Variants in DOT1L observed in about 807,000 individuals in gnomAD.
DOT1L encodes DOT1 like histone lysine methyltransferase, also known as histone-lysine N-methyltransferase, H3 lysine-79 specific.
DOT1L carries 33 observed loss-of-function variants against 153.3 expected under a neutral mutation model. The ratio of observed to expected loss-of-function variants is 0.22; its 90% CI spans 0.16 to 0.29. DOT1L has a LOEUF of 0.29. DOT1L is among the 10% of genes least tolerant of loss of function. The pLI, the probability that DOT1L is intolerant of heterozygous loss-of-function variation, is 1.00. For synonymous variants in DOT1L, 1,135 were observed against 965.1 expected (o/e 1.18, Z -3.26); for missense variants, 1,847 against 2,119.9 (o/e 0.87, Z 2.53).
chr19:2,224,548 C>T (rs901069319), intron 25 of DOT1L, among the ~76,000 whole-genome samples: 1 of 151,456 alleles, frequency 6.6e-6, no homozygotes, highest in African/African-American at 2.4e-5. Context: ...GCTCACTGAC[C>T]CTCCGCCTCC....
Position 2,226,839 on chromosome 19 carries a change from A to T in DOT1L, c.4318A>T (p.Ser1440Cys). 1.3e-6 allele frequency: 2 copies of T among 1,579,850 alleles called. No individual in the cohort carries two copies. Among genetic ancestry groups the T allele is most frequent in the Non-Finnish European group, 1.7e-6 (2 of 1,171,354 alleles). The change falls in exon 27 of 28, where the codon AGC (serine) becomes TGC (cysteine). Residue 1440 changes from serine to cysteine, a missense_variant. Transcript: ENST00000398665. ...AAAVPPGSLL[S>C]GPGLAPAASS... Reference sequence around the variant, plus strand: ...GGCCGTGCCTCCCGGAAGCCTCCTCAGCGGCCCCGGCCTGGCCCCGGCGGC... The same window carrying T: ...GGCCGTGCCTCCCGGAAGCCTCCTCTGCGGCCCCGGCCTGGCCCCGGCGGC...
In DOT1L at chr19:2,216,742, G is replaced by A. The variant is rs754923185; in HGVS notation, c.2385G>A (p.Pro795=). 5.6e-6 allele frequency: 9 copies of A among 1,594,356 alleles called. No homozygotes were observed. The highest frequency in any genetic ancestry group is 3.4e-4 in the Middle Eastern group (2 of 5,814). Residue 795 remains proline, a synonymous_variant, in exon 20 of 28, where the codon CCG becomes CCA. Coordinates refer to ENST00000398665, the MANE Select transcript of DOT1L (RefSeq NM_032482.3). ...AGGACCACACGGTGCCCGGCAGGCC[G>A]GCTGCCAGTGAGCTGCATTCGAGGT... is the stretch of plus-strand genomic sequence containing the variant. The part of the protein sequence containing the change: ...LSQDHTVPGR[P]AASELHSRAE...
chr19:2,185,522 A>G (rs137951121), intron 2 of DOT1L, among the ~76,000 whole-genome samples: 7 of 152,276 alleles, frequency 4.6e-5, no homozygotes, highest in South Asian at 2.1e-4. Context: ...TCATCCCAGC[A>G]CTGTGGGAGG....
intron 9 of DOT1L, among the ~76,000 whole-genome samples, chr19:2,206,059 C>T (rs1157560086): frequency 1.3e-5 from 2 of 150,532 alleles, no homozygotes; most frequent in African/African-American, 4.9e-5. Flanking sequence ...TGCAGTGGCG[C>T]GATCTCGACT....
intron 22 of DOT1L, among the ~76,000 whole-genome samples, chr19:2,218,911 T>C (rs1428150117): frequency 6.6e-6 from 1 of 152,018 alleles, no homozygotes; most frequent in Non-Finnish European, 1.5e-5. Flanking sequence ...TTGCCCAGGC[T>C]GGAGGGCAGT....
rs889861273 is a variant in DOT1L, at chr19:2,231,866, C to G, written c.*2074C>G. 8.6e-5 allele frequency: 19 copies of G among 220,430 alleles called. No homozygotes were observed. The highest frequency in any genetic ancestry group is 1.4e-4 in the Non-Finnish European group (15 of 110,084). The allele number at this position is 220,430 out of a possible 1,614,324, so 13.7% of individuals were successfully genotyped here. The stretch of plus-strand genomic sequence containing the variant: ...ATGCAGGGCTCCTGCCCACGCAGGC[C>G]ACCGTATGTTCAGGACACGCACTGG... On this transcript the variant is annotated 3_prime_UTR_variant, in exon 28 of 28. Coordinates refer to ENST00000398665, the MANE Select transcript of DOT1L (RefSeq NM_032482.3).
At chr19:2,202,403 A>G (rs1290411780) in intron 8 of DOT1L, among the ~76,000 whole-genome samples, 1 of 151,954 alleles carries the variant, frequency 6.6e-6, no homozygotes, top group Admixed American at 6.5e-5. Flanking sequence ...TGCTCTTCCC[A>G]CCTTGTGTGG....
Position 2,186,464 on chromosome 19 carries a change from G to A in DOT1L, c.200+535G>A, listed in dbSNP as rs552833298. On this transcript the variant is annotated intron_variant, in intron 3 of 27. Coordinates refer to ENST00000398665, the MANE Select transcript of DOT1L (RefSeq NM_032482.3). ...AAGTGTTTTGTTTTTCTTTGACAAG[G>A]AAGACATTCCAGGCTCATGCCTTTT... 5.3e-5 allele frequency among the ~76,000 whole-genome samples: 8 copies of A among 151,610 alleles called. No individual in the cohort carries two copies. In the East Asian group the frequency reaches 1.6e-3, roughly 30 times the overall value.
At chr19:2,168,254 G>A (rs1455452750) in intron 1 of DOT1L, among the ~76,000 whole-genome samples, 1 of 152,202 alleles carries the variant, frequency 6.6e-6, no homozygotes, top group Non-Finnish European at 1.5e-5. Flanking sequence ...GATTGCTTGA[G>A]CCCAGGAGTT....
Position 2,191,305 on chromosome 19 carries a change from ATGCC to A in DOT1L, c.493+69_493+72del, listed in dbSNP as rs2022783318. 23 of 1,510,570 alleles carry A rather than the reference ATGCC, an allele frequency of 1.5e-5. No homozygotes were observed. The South Asian group carries it at 2.6e-4, about 17-fold the overall frequency. 93.6% of individuals were successfully genotyped at this position (1,510,570 alleles called of 1,614,324 possible). ...AGGCCACACGCTCTGTGCCTGCCCC[ATGCC>A]TGCTTGGAGAAGAGTTTATCAGGGA... On this transcript the variant is annotated intron_variant, in intron 5 of 27. Coordinates refer to ENST00000398665, the MANE Select transcript of DOT1L (RefSeq NM_032482.3). The surrounding 1 kb of genome is among the most constrained non-coding windows in gnomAD (Gnocchi z 6.8).
intron 1 of DOT1L, among the ~76,000 whole-genome samples, chr19:2,179,216 G>C (rs539198632): frequency 6.6e-6 from 1 of 152,330 alleles, no homozygotes; most frequent in Non-Finnish European, 1.5e-5. Flanking sequence ...ATGGGGTTGC[G>C]TCCCGCTGGG....
chr19:2,173,171 G>C (rs535855800), intron 1 of DOT1L, among the ~76,000 whole-genome samples: 1 of 152,190 alleles, frequency 6.6e-6, no homozygotes, highest in Non-Finnish European at 1.5e-5. Flanking sequence ...GGAGGCCCAC[G>C]AGTCCCGCGC....
chr19:2,184,191 G>A (rs144630503), intron 2 of DOT1L, among the ~76,000 whole-genome samples: 26 of 152,258 alleles, frequency 1.7e-4, no homozygotes, highest in African/African-American at 6.3e-4. Context: ...GACTGCAGAT[G>A]GCCTTGCTTG....
chr19:2,217,706 G>A lies in DOT1L; in HGVS notation c.2545-66G>A. On this transcript the variant is annotated intron_variant, in intron 21 of 27. Coordinates refer to ENST00000398665, the MANE Select transcript of DOT1L (RefSeq NM_032482.3). The surrounding 1 kb of genome is among the most constrained non-coding windows in gnomAD (Gnocchi z 7.3). ...AGCTGTAGCAGGCCCCCGTCCTGTG[G>A]CTGTGGTCCCTGTGTCCTGGAGGGG... is the stretch of plus-strand genomic sequence containing the variant. The A allele has an allele frequency of 1.3e-6, 2 of 1,545,984 alleles. No individual in the cohort carries two copies. Among genetic ancestry groups the A allele is most frequent in the Non-Finnish European group, 8.7e-7 (1 of 1,144,308 alleles).
At chr19:2,225,083 A>G (rs77337731) in intron 25 of DOT1L, among the ~76,000 whole-genome samples, 6,344 of 152,216 alleles carry the variant, frequency 0.042, 179 homozygotes, top group East Asian at 0.13. Context: ...GGATTCTCAC[A>G]CTTCTGTGTG....
At chr19:2,202,668 TC>T in intron 8 of DOT1L, 31 bp from the exon 9 acceptor site, 1 of 1,607,664 alleles carries the variant, frequency 6.2e-7, no homozygotes, top group Non-Finnish European at 8.5e-7. Flanking sequence ...AGACGAGCCT[TC>T]ATGGCACTGA....
Position 2,193,504 on chromosome 19 carries a change from GTCAGGGGCCTGGTC to G in DOT1L, c.494-182_494-169del, listed in dbSNP as rs974903124. On this transcript the variant is annotated intron_variant, in intron 5 of 27. Transcript: ENST00000398665. The surrounding 1 kb of genome is among the most constrained non-coding windows in gnomAD (Gnocchi z 5.9). ...ATGACCGTCCCCTCGTGGGGGCTCT[GTCAGGGGCCTGGTC>G]TCTGGGAAGGATCCTGAGTGACCTT... is the stretch of plus-strand genomic sequence containing the variant. Among the ~76,000 whole-genome samples, 1 of 152,210 alleles carries G rather than the reference GTCAGGGGCCTGGTC, an allele frequency of 6.6e-6. No individual in the cohort carries two copies. The highest frequency in any genetic ancestry group is 2.4e-5 in the African/African-American group (1 of 41,458).
At chr19:2,177,992 A>T (rs1416674141) in intron 1 of DOT1L, among the ~76,000 whole-genome samples, 1 of 150,334 alleles carries the variant, frequency 6.7e-6, no homozygotes, top group East Asian at 2.0e-4. Context: ...GTGCAGTCTC[A>T]GCTCACTGCA....
At chr19:2,174,956 ATATGTG>A (rs1207503949) in intron 1 of DOT1L, among the ~76,000 whole-genome samples, 4 of 100,522 alleles carry the variant, frequency 4.0e-5, no homozygotes, top group Non-Finnish European at 4.1e-5. Flanking sequence ...GTTTTTAAAT[ATATGTG>A]TGTGTGTGTG....
Sources: gnomAD v4.1 joint callset for allele counts (sites outside exome capture counted in the v4.1 genomes callset) on GRCh38, gnomAD v4.1.1 for gene constraint, Gnocchi (gnomAD v3.1) non-coding constraint, MANE v1.5 for transcripts, NCBI Gene and HGNC (gene_info 2026-07-23, HGNC 2026-07-21) for gene names.